Variants in KLRF1 observed in about 807,000 individuals in gnomAD.
The protein encoded by KLRF1 is killer cell lectin-like receptor subfamily F member 1.
A neutral mutation model predicts 30.7 loss-of-function variants in KLRF1; 27 were observed. The observed-to-expected ratio is 0.88, with a 90% CI of 0.65 to 1.21. KLRF1 has a LOEUF of 1.21. Ranked by LOEUF, KLRF1 falls within the 50% of genes most tolerant of loss-of-function variation. KLRF1 has a pLI of 0.00. For missense variants in KLRF1, 246 were observed against 259.3 expected, an observed-to-expected ratio of 0.95 and a Z score of 0.35; for synonymous variants, 92 against 89.3, an observed-to-expected ratio of 1.03 and a Z score of -0.17.
the KLRF1 span, among the ~76,000 whole-genome samples, chr12:9,820,887 C>A: frequency 2.6e-5 from 4 of 152,150 alleles, no homozygotes; most frequent in African/African-American, 9.7e-5. Context: ...AGTCCAGCCC[C>A]TTTTCCCTGA....
At chr12:9,803,929 C>T in the KLRF1 span, among the ~76,000 whole-genome samples, 3 of 151,940 alleles carry the variant, frequency 2.0e-5, no homozygotes, top group Non-Finnish European at 2.9e-5. Flanking sequence ...TTTCTTTTCC[C>T]TCTCCATATA....
At chr12:9,826,073 CT>C (rs1340903595), upstream of KLRF1, among the ~76,000 whole-genome samples, 1 of 152,126 alleles carries the variant, frequency 6.6e-6, no homozygotes, top group Non-Finnish European at 1.5e-5. Context: ...CAAATATTTT[CT>C]CCTTGAATTA....
the KLRF1 span, among the ~76,000 whole-genome samples, chr12:9,809,137 G>A: frequency 6.6e-6 from 1 of 152,070 alleles, no homozygotes; most frequent in African/African-American, 2.4e-5. Context: ...TTTTTTAAGT[G>A]TATTAAAATC....
At chr12:9,812,879 G>A in the KLRF1 span, among the ~76,000 whole-genome samples, 16 of 152,146 alleles carry the variant, frequency 1.1e-4, no homozygotes, top group Non-Finnish European at 1.8e-4. Context: ...CAGTTTGACC[G>A]TATTTGTCAA....
At chr12:9,837,203 A>G (rs766900395) in intron 3 of KLRF1, among the ~76,000 whole-genome samples, 7 of 152,200 alleles carry the variant, frequency 4.6e-5, no homozygotes, top group Non-Finnish European at 1.0e-4. Context: ...CATGGAATAG[A>G]ATCACACAAT....
the KLRF1 span, among the ~76,000 whole-genome samples, chr12:9,808,783 C>T: frequency 2.0e-5 from 3 of 151,986 alleles, no homozygotes; most frequent in African/African-American, 7.3e-5. Context: ...AGAATGACCT[C>T]GTATTCTTGG....
chr12:9,831,244 T>C (rs1867419480), intron 1 of KLRF1, among the ~76,000 whole-genome samples: 1 of 152,110 alleles, frequency 6.6e-6, no homozygotes, highest in Non-Finnish European at 1.5e-5. Context: ...AAAAATAATC[T>C]CAGAAATGTG....
At chr12:9,830,062 A>ATG (rs1450609950) in intron 1 of KLRF1, among the ~76,000 whole-genome samples, 1 of 152,180 alleles carries the variant, frequency 6.6e-6, no homozygotes, top group Non-Finnish European at 1.5e-5. Flanking sequence ...ATCCAAGCAC[A>ATG]TGATCAAATT....
chr12:9,832,212 G>T, intron 1 of KLRF1, 104 bp from the exon 2 acceptor site: 1 of 595,780 alleles, frequency 1.7e-6, no homozygotes, highest in South Asian at 2.7e-5. Flanking sequence ...AATATCTTTT[G>T]AAACCAAAAC....
the KLRF1 span, among the ~76,000 whole-genome samples, chr12:9,808,563 G>A: frequency 6.6e-5 from 10 of 152,150 alleles, no homozygotes; most frequent in East Asian, 1.9e-3. Context: ...GCTCAAAAAA[G>A]ACCCGCATCC....
chr12:9,843,364 C>T (rs753032009), intron 5 of KLRF1, among the ~76,000 whole-genome samples: 1 of 152,212 alleles, frequency 6.6e-6, no homozygotes, highest in African/African-American at 2.4e-5. Flanking sequence ...TTGTTTTAGG[C>T]CACTACATTT....
intron 3 of KLRF1, among the ~76,000 whole-genome samples, chr12:9,835,463 T>C (rs1867555623): frequency 1.3e-5 from 2 of 152,042 alleles, no homozygotes; most frequent in Admixed American, 1.3e-4. Context: ...TACCTTTCAC[T>C]GTTATTTTCG....
chr12:9,801,214 A>G, the KLRF1 span, among the ~76,000 whole-genome samples: 43 of 151,990 alleles, frequency 2.8e-4, no homozygotes, highest in Non-Finnish European at 5.0e-4. Context: ...TCCATGGTGT[A>G]TATGTACCAC....
At chr12:9,818,152 C>T in the KLRF1 span, 1 of 157,716 alleles carries the variant, frequency 6.3e-6, no homozygotes, top group Non-Finnish European at 1.4e-5. Flanking sequence ...TAGCATTCAT[C>T]ATCAGAGTCA....
At chr12:9,834,346 C>T (rs1463133752) in intron 3 of KLRF1, among the ~76,000 whole-genome samples, 2 of 151,970 alleles carry the variant, frequency 1.3e-5, no homozygotes, top group East Asian at 1.9e-4. Context: ...ACAGTCCTGC[C>T]TTCTTACAGT....
chr12:9,815,144 GAAAT>G, the KLRF1 span, among the ~76,000 whole-genome samples: 1 of 152,010 alleles, frequency 6.6e-6, no homozygotes, highest in Non-Finnish European at 1.5e-5. Flanking sequence ...ATATAAAAAA[GAAAT>G]AAAATGAAAC....
At chr12:9,814,684 G>C in the KLRF1 span, among the ~76,000 whole-genome samples, 1 of 152,346 alleles carries the variant, frequency 6.6e-6, no homozygotes, top group South Asian at 2.1e-4. Flanking sequence ...AAGTGCCCAA[G>C]TGCATCATTC....
At chr12:9,809,908 C>T in the KLRF1 span, among the ~76,000 whole-genome samples, 1 of 151,732 alleles carries the variant, frequency 6.6e-6, no homozygotes. Context: ...AAAATCACCC[C>T]ATGAATAAAT....
the KLRF1 span, among the ~76,000 whole-genome samples, chr12:9,811,319 C>A: frequency 7.2e-4 from 45 of 62,156 alleles, no homozygotes; most frequent in Non-Finnish European, 1.0e-3. Flanking sequence ...AGAAGTAGTC[C>A]AAAAAAAAAA....
Sources: gnomAD v4.1 joint callset for allele counts (sites outside exome capture counted in the v4.1 genomes callset) on GRCh38, gnomAD v4.1.1 for gene constraint, MANE v1.5 for transcripts, NCBI Gene and HGNC (gene_info 2026-07-23, HGNC 2026-07-21) for gene names.